Variants in MED27 observed in about 807,000 individuals in gnomAD.
MED27 encodes mediator complex subunit 27, also known as mediator of RNA polymerase II transcription subunit 27.
In MED27, 30 loss-of-function variants were observed where a neutral mutation model predicts 38.2. The ratio of observed to expected loss-of-function variants is 0.79; its 90% CI spans 0.59 to 1.07. The LOEUF (loss-of-function observed/expected upper bound fraction) is 1.07, where lower values mean the gene tolerates loss of function less well. MED27 is among the 50% of genes least tolerant of loss of function. The probability of loss-of-function intolerance (pLI) is 0.00; values close to 1 mark genes in which losing one functional copy is unlikely to be tolerated. For synonymous variants in MED27, 122 were observed against 153.5 expected (o/e 0.79, Z 1.52); for missense variants, 289 against 397.5 (o/e 0.73, Z 2.32).
intron 3 of MED27, among the ~76,000 whole-genome samples, chr9:131,942,321 C>A (rs181589049): frequency 1.3e-5 from 2 of 152,302 alleles, no homozygotes; most frequent in Admixed American, 1.3e-4. Flanking sequence ...CATTGCCTGA[C>A]GTTTCTTGAA....
At chr9:131,894,039 A>C in intron 4 of MED27, 47 bp from the exon 5 acceptor site, 5 of 1,482,328 alleles carry the variant, frequency 3.4e-6, no homozygotes, top group Non-Finnish European at 4.7e-6. Flanking sequence ...AAATCACACA[A>C]AGTTGGGCAG....
At chr9:131,865,878 A>G (rs1427401139) in intron 6 of MED27, among the ~76,000 whole-genome samples, 1 of 152,200 alleles carries the variant, frequency 6.6e-6, no homozygotes, top group East Asian at 1.9e-4. Context: ...GGATCTGGGG[A>G]CCATCTCATA....
intron 6 of MED27, among the ~76,000 whole-genome samples, chr9:131,876,077 G>T (rs906056002): frequency 6.6e-6 from 1 of 152,216 alleles, no homozygotes; most frequent in Admixed American, 6.5e-5. Context: ...CCTGGGCTTA[G>T]AGAGCGGATG....
At chr9:131,972,137 TGA>T (rs1464865023) in intron 3 of MED27, among the ~76,000 whole-genome samples, 3 of 152,218 alleles carry the variant, frequency 2.0e-5, no homozygotes, top group Admixed American at 6.5e-5. Context: ...GTTTCAAATA[TGA>T]GAGGTTTGAA....
intron 3 of MED27, among the ~76,000 whole-genome samples, chr9:132,012,765 AT>A (rs1038101763): frequency 6.6e-6 from 1 of 152,138 alleles, no homozygotes; most frequent in African/African-American, 2.4e-5. Context: ...TAATTTATTA[AT>A]TTGTTGAGGG....
chr9:132,042,092 C>T (rs961768528), intron 2 of MED27, among the ~76,000 whole-genome samples: 6 of 152,178 alleles, frequency 3.9e-5, no homozygotes, highest in Admixed American at 1.3e-4. Context: ...GTGGAAAGAG[C>T]ACGGCACGGG....
intron 4 of MED27, among the ~76,000 whole-genome samples, chr9:131,899,596 G>C (rs1486385511): frequency 4.6e-5 from 7 of 152,202 alleles, no homozygotes; most frequent in African/African-American, 1.7e-4. Flanking sequence ...TGTAAAACTT[G>C]GGCCTAGGGG....
intron 3 of MED27, among the ~76,000 whole-genome samples, chr9:131,999,098 G>A (rs984918129): frequency 1.3e-5 from 2 of 152,100 alleles, no homozygotes; most frequent in Non-Finnish European, 2.9e-5. Context: ...TTTCTTCTCC[G>A]GGGACATTAA....
chr9:131,864,881 C>A (rs1294728727), intron 6 of MED27, among the ~76,000 whole-genome samples: 1 of 152,228 alleles, frequency 6.6e-6, no homozygotes, highest in Non-Finnish European at 1.5e-5. Context: ...TGAGGCCAGG[C>A]GTGGGAAGCA....
In MED27 at chr9:131,860,592, CG is replaced by C. The variant is rs1221342393; in HGVS notation, c.881del (p.Pro294ArgfsTer70). 2 of 1,601,804 alleles carry C rather than the reference CG, an allele frequency of 1.2e-6. No homozygotes were observed. The highest frequency in any genetic ancestry group is 4.5e-5 in the East Asian group (2 of 44,460). On this transcript the variant is annotated frameshift_variant, in exon 8 of 8. Transcript: ENST00000292035. LOFTEE classifies it high-confidence loss of function. The surrounding 1 kb of genome is among the most constrained non-coding windows in gnomAD (Gnocchi z 5.8). ...CGKFLQDGLP[P>X]TWRDFRTLEA... ...CGAGGGTTCGGAAATCCCTCCATGT[CG>C]GGGGAAGGCCGTCCTGCAGAAACTT...
At chr9:132,008,033 G>A (rs1268139107) in intron 3 of MED27, among the ~76,000 whole-genome samples, 4 of 152,174 alleles carry the variant, frequency 2.6e-5, no homozygotes, top group Admixed American at 1.3e-4. Flanking sequence ...ATAAGATCTC[G>A]GTTTGCTGGA....
chr9:132,025,611 T>C (rs962384768), intron 2 of MED27, among the ~76,000 whole-genome samples: 2 of 152,228 alleles, frequency 1.3e-5, no homozygotes, highest in Non-Finnish European at 2.9e-5. Flanking sequence ...CTTAACCAAC[T>C]CTATGACCTT....
intron 2 of MED27, among the ~76,000 whole-genome samples, chr9:132,075,364 C>A (rs1325403117): frequency 6.6e-6 from 1 of 152,128 alleles, no homozygotes; most frequent in East Asian, 1.9e-4. Flanking sequence ...GAACATGGTT[C>A]TTTTACAGAT....
chr9:132,016,189 T>C (rs1329337810), intron 2 of MED27, among the ~76,000 whole-genome samples: 2 of 152,078 alleles, frequency 1.3e-5, no homozygotes, highest in African/African-American at 4.8e-5. Context: ...TGCATGCAAA[T>C]AGAGAGCAAA....
chr9:132,061,116 GA>G (rs1833686975), intron 2 of MED27, among the ~76,000 whole-genome samples: 1 of 152,152 alleles, frequency 6.6e-6, no homozygotes, highest in South Asian at 2.1e-4. Context: ...AACACTAAAG[GA>G]CACTTTAGGA....
chr9:131,902,398 A>G (rs915059220), intron 4 of MED27, among the ~76,000 whole-genome samples: 13 of 152,260 alleles, frequency 8.5e-5, no homozygotes, highest in Admixed American at 7.2e-4. Context: ...CAACCAAAAG[A>G]AAACAGAGAC....
intron 6 of MED27, among the ~76,000 whole-genome samples, chr9:131,869,925 C>T (rs1838800928): frequency 6.6e-6 from 1 of 152,196 alleles, no homozygotes. Flanking sequence ...TTTCAGTTTT[C>T]CCTACCCTCT....
At chr9:132,041,211 AG>A (rs1407718520) in intron 2 of MED27, among the ~76,000 whole-genome samples, 2 of 152,230 alleles carry the variant, frequency 1.3e-5, no homozygotes, top group African/African-American at 2.4e-5. Context: ...GGAGACGACA[AG>A]CTCGCTAACA....
chr9:131,883,915 T>C lies in MED27; in HGVS notation c.723+143A>G. The C allele has an allele frequency of 1.5e-6, 1 of 672,760 alleles. No individual in the cohort carries two copies. The highest frequency in any genetic ancestry group is 2.9e-5 in the East Asian group (1 of 34,456). 41.7% of individuals were successfully genotyped at this position (672,760 alleles called of 1,614,324 possible). On this transcript the variant is annotated intron_variant, in intron 6 of 7. Transcript: ENST00000292035. This position sits in a 1 kb window ranked among gnomAD's most constrained non-coding sequence, Gnocchi z 4.2. The stretch of plus-strand genomic sequence containing the variant: ...TTGTTTTTTTCCAGAATGTCATACA[T>C]ATGGAATCAGACAGTGAGCATCCTT...
Sources: allele counts gnomAD v4.1 joint callset (sites outside exome capture counted in the v4.1 genomes callset), GRCh38; gene constraint gnomAD v4.1.1; non-coding constraint Gnocchi (gnomAD v3.1); transcripts MANE v1.5; gene names NCBI Gene and HGNC (gene_info 2026-07-23, HGNC 2026-07-21).